Variants in RNF43 observed in about 807,000 individuals in gnomAD.
RNF43 encodes the protein E3 ubiquitin-protein ligase RNF43.
A neutral mutation model predicts 78.4 loss-of-function variants in RNF43; 37 were observed. The ratio of observed to expected loss-of-function variants is 0.47; its 90% confidence interval spans 0.36 to 0.62. The LOEUF (loss-of-function observed/expected upper bound fraction) is 0.62, where lower values mean the gene tolerates loss of function less well. Ranked by LOEUF, RNF43 falls within the 20% of genes least tolerant of loss-of-function variation. The probability of loss-of-function intolerance (pLI) is 0.00; values close to 1 mark genes in which losing one functional copy is unlikely to be tolerated. For synonymous variants in RNF43, 347 were observed against 395.0 expected (o/e 0.88, Z 1.44); for missense variants, 774 against 1,007.9 (o/e 0.77, Z 3.14).
rs144105640 is a variant in RNF43, at chr17:58,413,907, G to A, written c.252+1419C>T. On this transcript the variant is annotated intron_variant, in intron 2 of 9. Transcript: ENST00000407977. Reference sequence around the variant, plus strand: ...AAATATGACTAGCAAAATTACTTACGGTCCTAAAATGGAGCACACAATTCA... The same window carrying A: ...AAATATGACTAGCAAAATTACTTACAGTCCTAAAATGGAGCACACAATTCA... 3.7e-3 allele frequency among the ~76,000 whole-genome samples: 564 copies of A among 152,162 alleles called. 3 individuals carry two copies. The highest frequency in any genetic ancestry group is 5.3e-3 in the Non-Finnish European group (358 of 68,006).
At chr17:58,386,602 T>C (rs546796214) in intron 2 of RNF43, among the ~76,000 whole-genome samples, 32 of 152,324 alleles carry the variant, frequency 2.1e-4, no homozygotes, top group African/African-American at 5.8e-4. Flanking sequence ...TGTACCATAC[T>C]ACTTGTCCAA....
At chr17:58,382,727 G>A (rs556920600) in intron 2 of RNF43, among the ~76,000 whole-genome samples, 1 of 152,308 alleles carries the variant, frequency 6.6e-6, no homozygotes, top group African/African-American at 2.4e-5. Flanking sequence ...CCGGTCTCAG[G>A]AGAGTAACAC....
At chr17:58,371,789 G>A (rs1342385776) in intron 2 of RNF43, among the ~76,000 whole-genome samples, 1 of 152,216 alleles carries the variant, frequency 6.6e-6, no homozygotes, top group Non-Finnish European at 1.5e-5. Context: ...TCCTGTCCAA[G>A]ACCCTGTGCC....
In RNF43 at chr17:58,371,738, T is replaced by C. The variant is rs138083565; in HGVS notation, c.253-705A>G. The stretch of plus-strand genomic sequence containing the variant: ...CACCCTGGTCCCAGGAATGATGCCG[T>C]GGAGGTGGAGCCAGCCCAGCCCATC... On this transcript the variant is annotated intron_variant, in intron 2 of 9. Transcript: ENST00000407977. 3.2e-4 allele frequency among the ~76,000 whole-genome samples: 48 copies of C among 152,300 alleles called. No individual in the cohort carries two copies. The East Asian group carries it at 7.7e-3, about 25-fold the overall frequency.
intron 2 of RNF43, among the ~76,000 whole-genome samples, chr17:58,398,974 A>G (rs1018464653): frequency 6.6e-6 from 1 of 152,248 alleles, no homozygotes; most frequent in African/African-American, 2.4e-5. Context: ...CCCAAAACCA[A>G]TAAAAAGGAA....
chr17:58,362,778 G>A (rs949536277), intron 5 of RNF43, 130 bp from the exon 6 acceptor site: 27 of 634,964 alleles, frequency 4.3e-5, no homozygotes, highest in Non-Finnish European at 7.0e-5. Flanking sequence ...CTGAGGGGAT[G>A]GAGAGGAACC....
intron 2 of RNF43, among the ~76,000 whole-genome samples, chr17:58,385,263 G>T (rs1348435923): frequency 1.3e-5 from 2 of 152,104 alleles, no homozygotes; most frequent in African/African-American, 2.4e-5. Context: ...ATTGGTCTCT[G>T]AAGTCAAATC....
chr17:58,365,023 C>A (rs1255352121), intron 3 of RNF43, among the ~76,000 whole-genome samples: 1 of 152,208 alleles, frequency 6.6e-6, no homozygotes, highest in African/African-American at 2.4e-5. Flanking sequence ...CCTTCCTCCC[C>A]CAGGAGCTAG....
At chr17:58,405,717 A>G (rs1178859724) in intron 2 of RNF43, among the ~76,000 whole-genome samples, 1 of 146,720 alleles carries the variant, frequency 6.8e-6, no homozygotes, top group Non-Finnish European at 1.5e-5. Flanking sequence ...AAAGAAAGAA[A>G]GAAAGAAAGA....
chr17:58,393,147 C>T (rs915241090), intron 2 of RNF43, among the ~76,000 whole-genome samples: 13 of 152,160 alleles, frequency 8.5e-5, no homozygotes, highest in African/African-American at 2.9e-4. Flanking sequence ...GTGACTTATG[C>T]CTGTAATCCC....
chr17:58,409,880 T>C (rs936583374), intron 2 of RNF43, among the ~76,000 whole-genome samples: 3 of 152,126 alleles, frequency 2.0e-5, no homozygotes, highest in African/African-American at 7.2e-5. Context: ...AACAAGACCC[T>C]ATCTCAAAAT....
At chr17:58,395,189 A>G (rs970645739) in intron 2 of RNF43, among the ~76,000 whole-genome samples, 1 of 152,200 alleles carries the variant, frequency 6.6e-6, no homozygotes, top group African/African-American at 2.4e-5. Context: ...ATTAAACAGG[A>G]TCTGAAATTC....
intron 3 of RNF43, among the ~76,000 whole-genome samples, chr17:58,370,301 C>G (rs2143509219): frequency 6.6e-6 from 1 of 152,224 alleles, no homozygotes; most frequent in East Asian, 1.9e-4. Flanking sequence ...ATCTCCTGAC[C>G]TCGTGATCCA....
intron 3 of RNF43, among the ~76,000 whole-genome samples, chr17:58,370,259 G>A (rs1295039989): frequency 5.3e-5 from 8 of 151,720 alleles, no homozygotes; most frequent in Admixed American, 3.3e-4. Flanking sequence ...TAGTAGAGAC[G>A]GGGTTTCACT....
At chr17:58,393,825 C>G (rs753535215) in intron 2 of RNF43, among the ~76,000 whole-genome samples, 4 of 152,066 alleles carry the variant, frequency 2.6e-5, no homozygotes, top group Non-Finnish European at 5.9e-5. Flanking sequence ...GAGGCTGAGG[C>G]GGGCGGATCA....
chr17:58,354,159 C>A lies in RNF43; in HGVS notation c.*784G>T, dbSNP rs1972634194. The stretch of plus-strand genomic sequence containing the variant: ...CTCAGCTGTAATTCTGCCTTTTCTA[C>A]CTTCATTCCATCCTTCCTCTGCCCA... On this transcript the variant is annotated 3_prime_UTR_variant, in exon 10 of 10. Transcript: ENST00000407977. 1 of 202,744 alleles carries A rather than the reference C, an allele frequency of 4.9e-6. No homozygotes were observed. The highest frequency in any genetic ancestry group is 1.0e-5 in the Non-Finnish European group (1 of 98,460). 12.6% of individuals were successfully genotyped at this position (202,744 alleles called of 1,614,324 possible).
chr17:58,367,730 G>T (rs748433129), intron 3 of RNF43, among the ~76,000 whole-genome samples: 10 of 152,176 alleles, frequency 6.6e-5, no homozygotes, highest in Non-Finnish European at 8.8e-5. Flanking sequence ...TAGTGGGGTG[G>T]TGACAAGAAT....
chr17:58,388,106 T>C (rs1000832859), intron 2 of RNF43, among the ~76,000 whole-genome samples: 3 of 152,196 alleles, frequency 2.0e-5, no homozygotes, highest in African/African-American at 4.8e-5. Context: ...CAGATGCCTA[T>C]AAATGAGTTC....
intron 3 of RNF43, among the ~76,000 whole-genome samples, chr17:58,366,986 C>T (rs1294699534): frequency 1.4e-5 from 2 of 144,922 alleles, no homozygotes; most frequent in East Asian, 4.1e-4. Context: ...CCACAAGGCC[C>T]GGCTAATTTT....
Sources: gnomAD v4.1 joint callset for allele counts (sites outside exome capture counted in the v4.1 genomes callset) on GRCh38, gnomAD v4.1.1 for gene constraint, MANE v1.5 for transcripts, NCBI Gene and HGNC (gene_info 2026-07-23, HGNC 2026-07-21) for gene names.